Variants in ATXN1 observed in about 807,000 individuals in gnomAD.
ATXN1 encodes ataxin-1.
In ATXN1, 8 loss-of-function variants were observed where a neutral mutation model predicts 56.4. The observed-to-expected ratio is 0.14, with a 90% CI of 0.08 to 0.26. The LOEUF is 0.26. Ranked by LOEUF, ATXN1 falls within the 10% of genes least tolerant of loss-of-function variation. ATXN1 has a pLI of 1.00. For missense variants in ATXN1, 987 were observed against 1,106.5 expected (o/e 0.89, Z 1.53); for synonymous variants, 514 against 494.6 (o/e 1.04, Z -0.52).
At chr6:16,482,012 A>AT (rs35940923) in intron 6 of ATXN1, among the ~76,000 whole-genome samples, 15,332 of 147,566 alleles carry the variant, frequency 0.1, 798 homozygotes, top group East Asian at 0.14. Flanking sequence ...TAGGTCTAGA[A>AT]TTTTTTTTTT....
At chr6:16,647,802 G>A (rs775447592) in intron 3 of ATXN1, among the ~76,000 whole-genome samples, 1 of 152,188 alleles carries the variant, frequency 6.6e-6, no homozygotes, top group Non-Finnish European at 1.5e-5. Flanking sequence ...AAGGCCGGGC[G>A]CAGTGGCTCA....
At chr6:16,735,992 C>T (rs1760116939) in intron 2 of ATXN1, among the ~76,000 whole-genome samples, 1 of 152,104 alleles carries the variant, frequency 6.6e-6, no homozygotes, top group African/African-American at 2.4e-5. Context: ...AAATTGAATG[C>T]AAAATGAGAT....
At chr6:16,438,510 T>C (rs890861076) in intron 6 of ATXN1, among the ~76,000 whole-genome samples, 17 of 152,220 alleles carry the variant, frequency 1.1e-4, no homozygotes, top group African/African-American at 4.1e-4. Context: ...TGATGTTCAA[T>C]CCATCTCCCT....
At chr6:16,513,475 A>G (rs1761119652) in intron 5 of ATXN1, among the ~76,000 whole-genome samples, 1 of 152,226 alleles carries the variant, frequency 6.6e-6, no homozygotes, top group South Asian at 2.1e-4. Context: ...AACACAATAC[A>G]TTACAATCTA....
intron 2 of ATXN1, among the ~76,000 whole-genome samples, chr6:16,715,871 G>A (rs765056162): frequency 6.6e-6 from 1 of 152,040 alleles, no homozygotes; most frequent in East Asian, 1.9e-4. Context: ...CCCATACCAC[G>A]TCCCCTAAGC....
intron 5 of ATXN1, among the ~76,000 whole-genome samples, chr6:16,501,527 A>G (rs535156397): frequency 3.3e-5 from 5 of 152,064 alleles, no homozygotes; most frequent in Non-Finnish European, 5.9e-5. Flanking sequence ...CCCTGTGTCC[A>G]TGTGTTCTCA....
chr6:16,380,389 A>G (rs1248086654), intron 6 of ATXN1, among the ~76,000 whole-genome samples: 1 of 151,676 alleles, frequency 6.6e-6, no homozygotes, highest in Non-Finnish European at 1.5e-5. Context: ...TTGGCTATTT[A>G]TTATCTAATA....
intron 6 of ATXN1, among the ~76,000 whole-genome samples, chr6:16,339,323 GTACTC>G (rs1761192781): frequency 6.6e-6 from 1 of 152,170 alleles, no homozygotes; most frequent in Non-Finnish European, 1.5e-5. Flanking sequence ...GGGAACTGAG[GTACTC>G]TGGGAGAGTC....
In ATXN1 at chr6:16,312,438, A is replaced by C. The variant is rs574908726; in HGVS notation, c.1918-5579T>G. 1.7e-4 allele frequency among the ~76,000 whole-genome samples: 26 copies of C among 152,276 alleles called. No individual in the cohort carries two copies. In the South Asian group the frequency reaches 5.4e-3, roughly 32 times the overall value. On this transcript the variant is annotated intron_variant, in intron 7 of 7. Transcript: ENST00000436367. Reference sequence around the variant, plus strand: ...AAGGGTTTTACCCTTTCCTGCACGTAGGCTAGGATAATTTTATGGCACCGA... The same window carrying C: ...AAGGGTTTTACCCTTTCCTGCACGTCGGCTAGGATAATTTTATGGCACCGA...
intron 3 of ATXN1, among the ~76,000 whole-genome samples, chr6:16,643,115 C>T (rs76483804): frequency 0.18 from 27,181 of 151,900 alleles, 2,936 homozygotes; most frequent in East Asian, 0.47. Flanking sequence ...ACTAAAAATA[C>T]AAAAATTAGC....
Position 16,525,786 on chromosome 6 carries a change from C to CCTAT in ATXN1, c.-360-3102_-360-3099dup, listed in dbSNP as rs1277478421. On this transcript the variant is annotated intron_variant, in intron 4 of 7. Transcript: ENST00000436367. ...CTCATGTACCCCATACATATACACA[C>CCTAT]CTATGTACCCACAAAAAAATTAAAA... 6.0e-5 allele frequency among the ~76,000 whole-genome samples: 9 copies of CCTAT among 150,978 alleles called. No individual in the cohort carries two copies. The East Asian group carries it at 1.7e-3, about 29-fold the overall frequency.
At chr6:16,436,154 T>C (rs1360298081) in intron 6 of ATXN1, among the ~76,000 whole-genome samples, 3 of 152,204 alleles carry the variant, frequency 2.0e-5, no homozygotes, top group African/African-American at 2.4e-5. Context: ...TGCTTCAGCC[T>C]CCCAAAGTGC....
At chr6:16,572,740 G>A (rs1009220133) in intron 4 of ATXN1, among the ~76,000 whole-genome samples, 1 of 152,134 alleles carries the variant, frequency 6.6e-6, no homozygotes, top group African/African-American at 2.4e-5. Context: ...TATTATCTAC[G>A]TTGAAAAGAC....
chr6:16,639,483 T>G (rs1763666295), intron 3 of ATXN1, among the ~76,000 whole-genome samples: 1 of 152,240 alleles, frequency 6.6e-6, no homozygotes, highest in East Asian at 1.9e-4. Flanking sequence ...CCGGCTAATT[T>G]TGTATTTTTA....
intron 4 of ATXN1, among the ~76,000 whole-genome samples, chr6:16,541,854 A>C (rs2113717595): frequency 6.6e-6 from 1 of 152,320 alleles, no homozygotes; most frequent in South Asian, 2.1e-4. Flanking sequence ...ACGCAGTGGC[A>C]CAACTAAAAC....
intron 3 of ATXN1, among the ~76,000 whole-genome samples, chr6:16,590,929 G>A (rs1247427743): frequency 6.6e-6 from 1 of 151,076 alleles, no homozygotes; most frequent in African/African-American, 2.4e-5. Flanking sequence ...CATAACCTCC[G>A]CCTTCCAGGT....
intron 6 of ATXN1, among the ~76,000 whole-genome samples, chr6:16,421,882 A>G (rs1258188679): frequency 2.6e-5 from 4 of 152,204 alleles, no homozygotes; most frequent in Non-Finnish European, 1.5e-5. Flanking sequence ...ATATGGAAAA[A>G]AACATGGAAT....
intron 3 of ATXN1, among the ~76,000 whole-genome samples, chr6:16,599,775 A>G (rs1450089401): frequency 2.6e-5 from 4 of 152,184 alleles, no homozygotes; most frequent in Non-Finnish European, 4.4e-5. Context: ...AATAATAAAC[A>G]GTAACAGCTA....
At chr6:16,489,683 T>C (rs1760620827) in intron 5 of ATXN1, among the ~76,000 whole-genome samples, 1 of 152,094 alleles carries the variant, frequency 6.6e-6, no homozygotes, top group Admixed American at 6.6e-5. Context: ...CCAGGTGCAG[T>C]GGCTCACACC....
Sources: allele counts gnomAD v4.1 joint callset (sites outside exome capture counted in the v4.1 genomes callset), GRCh38; gene constraint gnomAD v4.1.1; transcripts MANE v1.5; gene names NCBI Gene and HGNC (gene_info 2026-07-23, HGNC 2026-07-21).